FGGY: variants seen among roughly 807,000 people sequenced by gnomAD.
FGGY encodes the protein FGGY carbohydrate kinase domain containing.
A neutral mutation model predicts 71.3 loss-of-function variants in FGGY; 72 were observed. The ratio of observed to expected loss-of-function variants is 1.01; its 90% confidence interval spans 0.84 to 1.23. The LOEUF (loss-of-function observed/expected upper bound fraction) is 1.23. Among genes scored for constraint, FGGY ranks in the 50% most tolerant of loss-of-function variants. FGGY has a pLI of 0.00. For synonymous variants in FGGY, 251 were observed against 250.3 expected, an observed-to-expected ratio of 1.00 and a Z score of -0.02; for missense variants, 668 against 682.3, an observed-to-expected ratio of 0.98 and a Z score of 0.23.
intron 13 of FGGY, among the ~76,000 whole-genome samples, chr1:59,669,300 T>C (rs1391612442): frequency 6.6e-6 from 1 of 152,184 alleles, no homozygotes; most frequent in Non-Finnish European, 1.5e-5. Context: ...TGACCCAGGT[T>C]TCTTGACTTT....
At chr1:59,689,103 AACAG>A (rs145159494) in intron 14 of FGGY, among the ~76,000 whole-genome samples, 4,760 of 152,200 alleles carry the variant, frequency 0.031, 108 homozygotes, top group Middle Eastern at 0.095. Context: ...ATCTTCCAGG[AACAG>A]ACAGTTGGGT....
At chr1:59,701,568 G>A (rs920930131) in intron 14 of FGGY, among the ~76,000 whole-genome samples, 1 of 152,110 alleles carries the variant, frequency 6.6e-6, no homozygotes, top group Non-Finnish European at 1.5e-5. Context: ...TGCAGAAGAG[G>A]CATACCATAA....
At chr1:59,745,918 T>C (rs1427850635) in intron 14 of FGGY, among the ~76,000 whole-genome samples, 2 of 152,196 alleles carry the variant, frequency 1.3e-5, no homozygotes, top group African/African-American at 2.4e-5. Flanking sequence ...ATTCAGAAAG[T>C]GGCTGTTGGT....
chr1:59,600,457 A>G (rs72919609), intron 8 of FGGY, among the ~76,000 whole-genome samples: 11,339 of 152,194 alleles, frequency 0.075, 734 homozygotes, highest in African/African-American at 0.18. Context: ...ATAGGACTGG[A>G]TGAGCTGACC....
chr1:59,460,408 C>T (rs1219811706), intron 6 of FGGY, among the ~76,000 whole-genome samples: 6 of 152,222 alleles, frequency 3.9e-5, no homozygotes, highest in Admixed American at 3.9e-4. Flanking sequence ...GAAGCTCGAA[C>T]TGGGTGCAGC....
At chr1:59,587,944 A>G (rs1248556396) in intron 8 of FGGY, among the ~76,000 whole-genome samples, 1 of 152,246 alleles carries the variant, frequency 6.6e-6, no homozygotes, top group Non-Finnish European at 1.5e-5. Context: ...AAAGCTGGAC[A>G]GAGATTGACT....
At position 59,732,461 on chromosome 1, in the gene FGGY, G is replaced by C. The variant is rs373318236; in HGVS notation, c.1513-25470G>C. ...TTCTAGATACAAGCAGCTGCTCCCTGTCAGCATGCAGGCACAGAAAAGGAT... is the reference window on the plus strand; with the variant it reads ...TTCTAGATACAAGCAGCTGCTCCCTCTCAGCATGCAGGCACAGAAAAGGAT... On this transcript the variant is annotated intron_variant, in intron 14 of 15. Coordinates refer to ENST00000303721, the MANE Select transcript of FGGY (RefSeq NM_018291.5). Among the ~76,000 whole-genome samples the C allele has an allele frequency of 2.0e-4, 31 of 152,328 alleles. No homozygotes were observed. In the South Asian group the frequency reaches 5.8e-3, roughly 28 times the overall value.
At chr1:59,481,385 C>T (rs1467268912) in intron 6 of FGGY, among the ~76,000 whole-genome samples, 1 of 152,038 alleles carries the variant, frequency 6.6e-6, no homozygotes, top group East Asian at 1.9e-4. Context: ...GAGCTGGAGC[C>T]CCATCCAACC....
chr1:59,399,241 A>G (rs1019808473), intron 5 of FGGY, among the ~76,000 whole-genome samples: 8 of 152,230 alleles, frequency 5.3e-5, no homozygotes, highest in African/African-American at 1.9e-4. Context: ...TCTAATAAAT[A>G]TGAGTTTAAA....
At chr1:59,646,402 A>ATT (rs1394365382) in intron 11 of FGGY, among the ~76,000 whole-genome samples, 6 of 151,554 alleles carry the variant, frequency 4.0e-5, no homozygotes, top group Non-Finnish European at 8.8e-5. Context: ...TGGTTTTCTG[A>ATT]TTATATATAT....
chr1:59,483,363 A>G (rs945399852), intron 6 of FGGY, among the ~76,000 whole-genome samples: 2 of 152,210 alleles, frequency 1.3e-5, no homozygotes, highest in Admixed American at 6.5e-5. Context: ...GAGATAGCAC[A>G]TGTGAAGATA....
At chr1:59,720,998 T>C (rs2097887094) in intron 14 of FGGY, among the ~76,000 whole-genome samples, 1 of 152,188 alleles carries the variant, frequency 6.6e-6, no homozygotes, top group Non-Finnish European at 1.5e-5. Flanking sequence ...TACAGTTCCC[T>C]CCGTGTGGAA....
Position 59,638,081 on chromosome 1 carries a change from T to C in FGGY, c.1074-147T>C, listed in dbSNP as rs116518760. 3,182 of 722,320 alleles carry C rather than the reference T, an allele frequency of 4.4e-3. 85 individuals carry two copies. In the African/African-American group the frequency reaches 0.052, roughly 12 times the overall value. 44.7% of individuals were successfully genotyped at this position (722,320 alleles called of 1,614,324 possible). On this transcript the variant is annotated intron_variant, in intron 10 of 15. Coordinates refer to ENST00000303721, the MANE Select transcript of FGGY (RefSeq NM_018291.5). ...TTTCTTGGTGATAGTACAGTGTGAT[T>C]TGAGAGTACAGTGGGCTAGCTTCTC...
chr1:59,501,551 G>T lies in FGGY; in HGVS notation c.671-10760G>T, dbSNP rs189950023. Among the ~76,000 whole-genome samples the T allele has an allele frequency of 2.6e-5, 4 of 152,250 alleles. No individual in the cohort carries two copies. The East Asian group carries it at 7.7e-4, about 29-fold the overall frequency. On this transcript the variant is annotated intron_variant, in intron 6 of 15. Transcript: ENST00000303721. ...TCCTAGAAGTGGGGTAACTCTCCATGGTAGAACTGTTTGCATGGGTCTTGA... is the reference window on the plus strand; with the variant it reads ...TCCTAGAAGTGGGGTAACTCTCCATTGTAGAACTGTTTGCATGGGTCTTGA...
intron 7 of FGGY, among the ~76,000 whole-genome samples, chr1:59,544,718 G>A (rs1175583952): frequency 2.0e-5 from 3 of 152,154 alleles, no homozygotes; most frequent in Non-Finnish European, 4.4e-5. Context: ...TTTCGAAGAG[G>A]TGTGTTCACT....
intron 6 of FGGY, among the ~76,000 whole-genome samples, chr1:59,463,457 C>T (rs532856669): frequency 3.3e-5 from 5 of 152,252 alleles, no homozygotes; most frequent in South Asian, 4.1e-4. Context: ...CATCAACTAA[C>T]GGGCAAAATA....
Position 59,762,183 on chromosome 1 carries a change from G to C in FGGY, c.1575-320G>C, listed in dbSNP as rs554522006. Among the ~76,000 whole-genome samples, 30 of 151,700 alleles carry C rather than the reference G, an allele frequency of 2.0e-4. 1 individual carries two copies. The East Asian group carries it at 5.4e-3, about 27-fold the overall frequency. On this transcript the variant is annotated intron_variant, in intron 15 of 15. Transcript: ENST00000303721. The stretch of plus-strand genomic sequence containing the variant: ...CGGTTCACTGCAACCTCCGCCCCCC[G>C]GGTTCAAGCAATTCTCCTGCCTCAG...
At chr1:59,710,638 T>C (rs1194672279) in intron 14 of FGGY, among the ~76,000 whole-genome samples, 3 of 152,078 alleles carry the variant, frequency 2.0e-5, no homozygotes, top group Non-Finnish European at 2.9e-5. Context: ...GCAAAGAATA[T>C]GAACAGACAC....
At chr1:59,497,486 G>A (rs2094074995) in intron 6 of FGGY, among the ~76,000 whole-genome samples, 1 of 152,200 alleles carries the variant, frequency 6.6e-6, no homozygotes, top group Admixed American at 6.5e-5. Context: ...TACTCAGGAG[G>A]CTGAGGCAGG....
Sources: gnomAD v4.1 joint callset for allele counts (sites outside exome capture counted in the v4.1 genomes callset) on GRCh38, gnomAD v4.1.1 for gene constraint, MANE v1.5 for transcripts, NCBI Gene and HGNC (gene_info 2026-07-23, HGNC 2026-07-21) for gene names.